Variants in GHR observed in about 807,000 individuals in gnomAD.
The protein encoded by GHR is growth hormone receptor, also known as GH receptor.
In GHR, 35 loss-of-function variants were observed where a neutral mutation model predicts 67.1. That is an observed-to-expected ratio of 0.52 (90% CI 0.40 to 0.69). The LOEUF (loss-of-function observed/expected upper bound fraction) is 0.69. GHR is among the 30% of genes least tolerant of loss of function. GHR has a pLI of 0.00. For missense variants in GHR, 792 were observed against 764.6 expected (o/e 1.04, Z -0.42); for synonymous variants, 272 against 269.1 (o/e 1.01, Z -0.10).
chr5:42,621,635 C>T (rs1242650156), intron 2 of GHR, among the ~76,000 whole-genome samples: 2 of 152,162 alleles, frequency 1.3e-5, no homozygotes, highest in African/African-American at 4.8e-5. Flanking sequence ...ACATTTACAG[C>T]AAAATGTGGC....
At chr5:42,486,015 A>G (rs1257383789) in intron 1 of GHR, among the ~76,000 whole-genome samples, 2 of 152,224 alleles carry the variant, frequency 1.3e-5, no homozygotes, top group African/African-American at 4.8e-5. Context: ...AATCACATGC[A>G]GAGCTCTTTC....
chr5:42,694,801 C>A (rs1757590285), intron 4 of GHR, 116 bp from the exon 5 acceptor site: 2 of 818,374 alleles, frequency 2.4e-6, no homozygotes, highest in Non-Finnish European at 4.3e-6. Context: ...TAAAATACCT[C>A]TTCACAAAAT....
chr5:42,467,267 A>T, intron 1 of GHR: 1 of 1,289,328 alleles, frequency 7.8e-7, no homozygotes, highest in East Asian at 2.3e-5. Context: ...AGGTGTGAAA[A>T]ACAACTAAAG....
chr5:42,633,294 G>A (rs1417980567), intron 3 of GHR, among the ~76,000 whole-genome samples: 1 of 152,146 alleles, frequency 6.6e-6, no homozygotes, highest in Non-Finnish European at 1.5e-5. Context: ...ATTAGTCTAA[G>A]TTTTCATGAA....
chr5:42,579,140 TGATAGATAGATA>T (rs1750989608), intron 2 of GHR, among the ~76,000 whole-genome samples: 2 of 59,888 alleles, frequency 3.3e-5, no homozygotes, highest in Non-Finnish European at 6.9e-5. Flanking sequence ...GATAGATAGA[TGATAGATAGATA>T]TAGATAGATA....
At chr5:42,541,320 A>G (rs1278504160) in intron 1 of GHR, among the ~76,000 whole-genome samples, 1 of 152,208 alleles carries the variant, frequency 6.6e-6, no homozygotes, top group Non-Finnish European at 1.5e-5. Flanking sequence ...TTGAATGCAT[A>G]CTTGAAAGAA....
intron 1 of GHR, among the ~76,000 whole-genome samples, chr5:42,432,701 A>G (rs1743146486): frequency 6.6e-6 from 1 of 152,226 alleles, no homozygotes; most frequent in African/African-American, 2.4e-5. Flanking sequence ...ATCCCTGGGC[A>G]AGATGAAATA....
intron 3 of GHR, among the ~76,000 whole-genome samples, chr5:42,685,002 G>T (rs868608834): frequency 9.9e-5 from 15 of 151,958 alleles, no homozygotes; most frequent in South Asian, 2.1e-4. Flanking sequence ...GTGCAGGTTT[G>T]TTACATAGGT....
At chr5:42,680,624 C>T (rs561017392) in intron 3 of GHR, among the ~76,000 whole-genome samples, 2 of 151,998 alleles carry the variant, frequency 1.3e-5, no homozygotes, top group African/African-American at 4.8e-5. Flanking sequence ...GTGCCTCAGC[C>T]TCTCTGAGTA....
At chr5:42,693,197 G>T (rs1757503248) in intron 4 of GHR, among the ~76,000 whole-genome samples, 1 of 151,754 alleles carries the variant, frequency 6.6e-6, no homozygotes, top group African/African-American at 2.4e-5. Context: ...GAGTGCAGTG[G>T]CTCGATCTTG....
chr5:42,534,164 ACATATGTATATATGTATG>A, intron 1 of GHR, among the ~76,000 whole-genome samples: 1 of 96,502 alleles, frequency 1.0e-5, no homozygotes, highest in Admixed American at 9.2e-5. Context: ...ATATATATGT[ACATATGTATATATGTATG>A]TATATATGTA....
At chr5:42,578,151 A>G (rs1286129411) in intron 2 of GHR, among the ~76,000 whole-genome samples, 1 of 152,078 alleles carries the variant, frequency 6.6e-6, no homozygotes, top group South Asian at 2.1e-4. Flanking sequence ...CGTACCCACT[A>G]GATACCAGTA....
intron 3 of GHR, among the ~76,000 whole-genome samples, chr5:42,661,395 C>T (rs889631898): frequency 6.6e-6 from 1 of 152,210 alleles, no homozygotes; most frequent in African/African-American, 2.4e-5. Context: ...ATCAGTCTAA[C>T]AGCTAATCTC....
In GHR at chr5:42,719,395, A is replaced by C. The variant is rs759619266; in HGVS notation, c.1888A>C (p.Thr630Pro). Residue 630 changes from threonine (T) to proline (P), a missense_variant, in exon 10 of 10, where the codon ACA (threonine) becomes CCA (proline). By Grantham distance (38) the Thr-to-Pro change is conservative. Coordinates refer to ENST00000230882, the MANE Select transcript of GHR (RefSeq NM_000163.5). ...EFLSSCGYVS[T>P]DQLNKIMP ...TCTCTCATCATGTGGCTATGTGAGC[A>C]CAGACCAACTGAACAAAATCATGCC... 7.4e-6 allele frequency: 12 copies of C among 1,613,766 alleles called. No homozygotes were observed. In the South Asian group the frequency reaches 1.2e-4, roughly 16 times the overall value.
chr5:42,477,266 T>C (rs1386281519), intron 1 of GHR, among the ~76,000 whole-genome samples: 1 of 152,178 alleles, frequency 6.6e-6, no homozygotes, highest in Non-Finnish European at 1.5e-5. Flanking sequence ...CACATTTGCT[T>C]AATCCAGTCT....
chr5:42,484,503 A>C (rs879812823), intron 1 of GHR, among the ~76,000 whole-genome samples: 12 of 152,230 alleles, frequency 7.9e-5, no homozygotes, highest in African/African-American at 2.4e-5. Context: ...AAATCAGATA[A>C]AAATGAAAAA....
chr5:42,619,817 C>T (rs1305781567), intron 2 of GHR: 1 of 152,098 alleles, frequency 6.6e-6, no homozygotes, highest in African/African-American at 2.4e-5. Flanking sequence ...AAAACCTCTG[C>T]CAAAGTATAT....
chr5:42,477,445 G>A (rs1178001765), intron 1 of GHR, among the ~76,000 whole-genome samples: 1 of 152,174 alleles, frequency 6.6e-6, no homozygotes, highest in Non-Finnish European at 1.5e-5. Context: ...CTAGATCCCT[G>A]AGGAATCGCC....
intron 1 of GHR, among the ~76,000 whole-genome samples, chr5:42,505,122 G>GTTTTT (rs35690685): frequency 2.0e-4 from 27 of 134,718 alleles, no homozygotes; most frequent in Middle Eastern, 3.8e-3. Flanking sequence ...GCTGTTGACT[G>GTTTTT]TTTTTTTTTT....
Sources: allele counts gnomAD v4.1 joint callset (sites outside exome capture counted in the v4.1 genomes callset), GRCh38; gene constraint gnomAD v4.1.1; transcripts MANE v1.5; gene names NCBI Gene and HGNC (gene_info 2026-07-23, HGNC 2026-07-21).